The following PCDHA12 variants were observed in gnomAD, a reference collection of about 807,000 sequenced individuals.
The protein encoded by PCDHA12 is protocadherin alpha 12.
A neutral mutation model predicts 60.0 loss-of-function variants in PCDHA12; 44 were observed. The observed-to-expected ratio is 0.73, with a 90% CI of 0.58 to 0.94. PCDHA12 has a LOEUF of 0.94. Among genes scored for constraint, PCDHA12 ranks in the 40% least tolerant of loss-of-function variants. The probability of loss-of-function intolerance (pLI) is 0.00; values close to 1 mark genes in which losing one functional copy is unlikely to be tolerated. For missense variants in PCDHA12, 1,276 were observed against 1,239.7 expected (o/e 1.03, Z -0.44); for synonymous variants, 569 against 553.0 (o/e 1.03, Z -0.40).
chr5:140,987,336 A>G (rs2097249605), intron 3 of PCDHA12, among the ~76,000 whole-genome samples: 1 of 152,200 alleles, frequency 6.6e-6, no homozygotes, highest in Admixed American at 6.5e-5. Context: ...GAACTGGTCT[A>G]AGGTAAATAT....
chr5:140,928,900 G>A lies in PCDHA12; in HGVS notation c.2368-50049G>A, dbSNP rs782597882. On this transcript the variant is annotated intron_variant, in intron 1 of 3. Coordinates refer to ENST00000398631, the MANE Select transcript of PCDHA12 (RefSeq NM_018903.4). ...TCAGTTACTTCCAGACTTTGAAGATGTCTGGGAACCAGGAGGGCAGCTTTC... is the reference window on the plus strand; with the variant it reads ...TCAGTTACTTCCAGACTTTGAAGATATCTGGGAACCAGGAGGGCAGCTTTC... The A allele has an allele frequency of 3.1e-6, 5 of 1,614,212 alleles. No homozygotes were observed. The South Asian group carries it at 5.5e-5, about 18-fold the overall frequency.
intron 1 of PCDHA12, among the ~76,000 whole-genome samples, chr5:140,880,485 G>T (rs957327401): frequency 6.6e-6 from 1 of 152,190 alleles, no homozygotes; most frequent in Non-Finnish European, 1.5e-5. Flanking sequence ...GACACAAGAA[G>T]AGAGCAATTG....
At chr5:140,882,164 C>A in intron 1 of PCDHA12, 1 of 1,509,950 alleles carries the variant, frequency 6.6e-7, no homozygotes, top group Non-Finnish European at 8.9e-7. Flanking sequence ...ATACCTCTTG[C>A]GAATCCTTCC....
At chr5:140,906,063 A>T (rs572488248) in intron 1 of PCDHA12, among the ~76,000 whole-genome samples, 1 of 152,318 alleles carries the variant, frequency 6.6e-6, no homozygotes, top group South Asian at 2.1e-4. Flanking sequence ...CTGGCAGCTG[A>T]TTAGATCGCA....
intron 1 of PCDHA12, chr5:140,966,616 G>A: frequency 1.3e-6 from 1 of 788,372 alleles, no homozygotes; most frequent in South Asian, 2.7e-5. Context: ...AGGGCCTACG[G>A]AGGGAGCGGC....
Position 140,875,767 on chromosome 5 carries a change from A to G in PCDHA12, c.295A>G (p.Ser99Gly). The stretch of plus-strand genomic sequence containing the variant: ...CGACCGCGAGAAGCTGTGCGGGCGG[A>G]GCGCGGAGTGCAGTATCCACCTGGA... ...RIDREKLCGRSAECSIHLEVI... is the reference protein window; with the variant it reads ...RIDREKLCGRGAECSIHLEVI... Residue 99 changes from serine to glycine, a missense_variant, in exon 1 of 4, where the codon AGC becomes GGC. Coordinates refer to ENST00000398631, the MANE Select transcript of PCDHA12 (RefSeq NM_018903.4). The G allele has an allele frequency of 6.2e-7, 1 of 1,614,144 alleles. No homozygotes were observed. The highest frequency in any genetic ancestry group is 8.5e-7 in the Non-Finnish European group (1 of 1,180,026).
chr5:140,967,889 C>T, intron 1 of PCDHA12: 1 of 1,614,146 alleles, frequency 6.2e-7, no homozygotes, highest in Non-Finnish European at 8.5e-7. Context: ...TAGCCCAGTG[C>T]CTGAGAATGC....
At chr5:140,983,882 A>G (rs1203287819) in intron 3 of PCDHA12, among the ~76,000 whole-genome samples, 2 of 152,224 alleles carry the variant, frequency 1.3e-5, no homozygotes, top group East Asian at 3.8e-4. Flanking sequence ...TTTACTGGCA[A>G]CTTTAAGGGC....
chr5:140,928,426 T>G (rs1563104997), intron 1 of PCDHA12: 2 of 1,614,134 alleles, frequency 1.2e-6, no homozygotes, highest in Non-Finnish European at 1.7e-6. Context: ...TGCCAAAACT[T>G]CCTTTGACTT....
chr5:140,928,697 G>C, intron 1 of PCDHA12: 9 of 1,614,124 alleles, frequency 5.6e-6, no homozygotes, highest in Non-Finnish European at 5.9e-6. Context: ...CACATCTCCC[G>C]GGCGTCTGAC....
At position 140,882,987 on chromosome 5, in the gene PCDHA12, C is replaced by T; in HGVS notation, c.2367+5148C>T. The T allele has an allele frequency of 1.9e-6, 3 of 1,614,110 alleles. No individual in the cohort carries two copies. The highest frequency in any genetic ancestry group is 1.7e-6 in the Non-Finnish European group (2 of 1,180,042). ...ATTCTGGACGTGAATGACAACGCCC[C>T]GGAATTTTACCAATCCGTTTATAAA... is the stretch of plus-strand genomic sequence containing the variant. On this transcript the variant is annotated intron_variant, in intron 1 of 3. Coordinates refer to ENST00000398631, the MANE Select transcript of PCDHA12 (RefSeq NM_018903.4).
At chr5:140,882,802 C>T (rs782615396) in intron 1 of PCDHA12, 21 of 1,614,206 alleles carry the variant, frequency 1.3e-5, no homozygotes, top group Non-Finnish European at 1.5e-5. Context: ...ACGATTATTT[C>T]ACTTTGGACG....
intron 1 of PCDHA12, among the ~76,000 whole-genome samples, chr5:140,955,670 T>C (rs1212129993): frequency 6.6e-6 from 1 of 152,140 alleles, no homozygotes; most frequent in East Asian, 1.9e-4. Flanking sequence ...TTTAACATAG[T>C]TTTTTCGAAA....
At chr5:140,882,369 C>T (rs1554173809) in intron 1 of PCDHA12, 1 of 1,614,222 alleles carries the variant, frequency 6.2e-7, no homozygotes, top group South Asian at 1.1e-5. Context: ...CTCCACTACT[C>T]CGTCCCCGAG....
At position 140,946,093 on chromosome 5, in the gene PCDHA12, T is replaced by A. The variant is rs1171535500; in HGVS notation, c.2368-32856T>A. Among the ~76,000 whole-genome samples, 4 of 151,584 alleles carry A rather than the reference T, an allele frequency of 2.6e-5. No homozygotes were observed. In the East Asian group the frequency reaches 7.7e-4, roughly 29 times the overall value. ...TGCAAACCACAGATCTGATAAGGAG[T>A]TAACATACCAAATATATAAGGAACT... is the stretch of plus-strand genomic sequence containing the variant. On this transcript the variant is annotated intron_variant, in intron 1 of 3. Transcript: ENST00000398631.
At chr5:140,919,823 T>C (rs1554199267) in intron 1 of PCDHA12, among the ~76,000 whole-genome samples, 1 of 152,222 alleles carries the variant, frequency 6.6e-6, no homozygotes, top group Non-Finnish European at 1.5e-5. Flanking sequence ...AAAATATATG[T>C]CCACATAGTA....
intron 1 of PCDHA12, chr5:140,966,994 C>T: frequency 6.2e-7 from 1 of 1,604,620 alleles, no homozygotes; most frequent in Non-Finnish European, 8.5e-7. Context: ...GGCCGGGTTG[C>T]TTGCGCATCA....
At position 141,010,329 on chromosome 5, in the gene PCDHA12, GTTTGTGGCCACTGGGTA is replaced by G. The variant is rs1554262887; in HGVS notation, c.*394_*410del. The G allele has an allele frequency of 1.9e-6, 3 of 1,538,554 alleles. No individual in the cohort carries two copies. The East Asian group carries it at 7.3e-5, about 38-fold the overall frequency. ...AGTTTTGAGATTGAGCAGCTTGGGA[GTTTGTGGCCACTGGGTA>G]TGTGTGGCTACCGCGGGTATGCGAG... On this transcript the variant is annotated 3_prime_UTR_variant, in exon 4 of 4. Coordinates refer to ENST00000398631, the MANE Select transcript of PCDHA12 (RefSeq NM_018903.4).
intron 1 of PCDHA12, among the ~76,000 whole-genome samples, chr5:140,903,212 A>C (rs1387552422): frequency 6.6e-6 from 1 of 152,192 alleles, no homozygotes; most frequent in African/African-American, 2.4e-5. Flanking sequence ...CACCACATTC[A>C]TGCCAACATC....
Sources: gnomAD v4.1 joint callset for allele counts (sites outside exome capture counted in the v4.1 genomes callset) on GRCh38, gnomAD v4.1.1 for gene constraint, MANE v1.5 for transcripts, NCBI Gene and HGNC (gene_info 2026-07-23, HGNC 2026-07-21) for gene names.